Variants in PALLD observed in about 807,000 individuals in gnomAD.
The protein encoded by PALLD is palladin.
A neutral mutation model predicts 123.5 loss-of-function variants in PALLD; 61 were observed. The observed-to-expected ratio is 0.49, with a 90% CI of 0.40 to 0.61. PALLD has a LOEUF of 0.61. Among genes scored for constraint, PALLD ranks in the 20% least tolerant of loss-of-function variants. The pLI is 0.00. For missense variants in PALLD, 1,273 were observed against 1,377.0 expected (o/e 0.92, Z 1.20); for synonymous variants, 465 against 496.4 (o/e 0.94, Z 0.84).
At chr4:168,842,313 T>C (rs1746150508) in intron 10 of PALLD, among the ~76,000 whole-genome samples, 1 of 152,238 alleles carries the variant, frequency 6.6e-6, no homozygotes, top group Admixed American at 6.5e-5. Flanking sequence ...CACAGCAGTC[T>C]GATTAAAGGT....
chr4:168,893,233 T>G (rs1321324642), intron 11 of PALLD, among the ~76,000 whole-genome samples: 1 of 152,230 alleles, frequency 6.6e-6, no homozygotes, highest in East Asian at 1.9e-4. Context: ...ATCAGGTATT[T>G]AAGACTCTCT....
At chr4:168,644,272 G>A (rs1777229031) in intron 2 of PALLD, among the ~76,000 whole-genome samples, 1 of 151,802 alleles carries the variant, frequency 6.6e-6, no homozygotes, top group South Asian at 2.1e-4. Flanking sequence ...ATTTTTAGTA[G>A]AGATGGGGTT....
At chr4:168,747,684 C>G (rs1730508406) in intron 10 of PALLD, among the ~76,000 whole-genome samples, 1 of 152,144 alleles carries the variant, frequency 6.6e-6, no homozygotes, top group Non-Finnish European at 1.5e-5. Context: ...TGTCAGTTCA[C>G]TTCATTTTAT....
intron 10 of PALLD, among the ~76,000 whole-genome samples, chr4:168,875,269 A>C (rs576098470): frequency 7.9e-5 from 12 of 152,280 alleles, no homozygotes; most frequent in African/African-American, 2.9e-4. Flanking sequence ...AGTAATTTCC[A>C]AAAGCTATAG....
chr4:168,825,045 G>A (rs1263788645), intron 10 of PALLD, among the ~76,000 whole-genome samples: 1 of 151,048 alleles, frequency 6.6e-6, no homozygotes, highest in African/African-American at 2.5e-5. Context: ...CCAACTCCTG[G>A]GCTCAAGTGA....
intron 10 of PALLD, among the ~76,000 whole-genome samples, chr4:168,880,268 A>G (rs909671377): frequency 1.3e-5 from 2 of 152,206 alleles, no homozygotes; most frequent in Non-Finnish European, 2.9e-5. Flanking sequence ...ATAGCTTATA[A>G]TTGTTACCAC....
chr4:168,759,194 A>ATGT (rs1732385112), intron 10 of PALLD, among the ~76,000 whole-genome samples: 2 of 41,408 alleles, frequency 4.8e-5, no homozygotes, highest in Non-Finnish European at 9.0e-5. Flanking sequence ...AAAAAAAAAA[A>ATGT]AAAAAAAAAT....
chr4:168,548,101 G>A (rs954203643), intron 2 of PALLD, among the ~76,000 whole-genome samples: 10 of 152,128 alleles, frequency 6.6e-5, no homozygotes, highest in Non-Finnish European at 1.3e-4. Context: ...TATCCAGCAT[G>A]TGCTTCTTGA....
intron 2 of PALLD, among the ~76,000 whole-genome samples, chr4:168,611,736 C>T (rs1474596327): frequency 6.6e-6 from 1 of 152,182 alleles, no homozygotes; most frequent in Non-Finnish European, 1.5e-5. Flanking sequence ...GCTGATACTG[C>T]TCACGGATTT....
intron 1 of PALLD, among the ~76,000 whole-genome samples, chr4:168,500,302 A>C (rs9917909): frequency 0.51 from 77,929 of 151,952 alleles, 20,165 homozygotes; most frequent in East Asian, 0.62. Context: ...AATCTGTTGT[A>C]ATTTCAACAG....
At chr4:168,599,808 A>C (rs1039270409) in intron 2 of PALLD, among the ~76,000 whole-genome samples, 2 of 152,198 alleles carry the variant, frequency 1.3e-5, no homozygotes, top group African/African-American at 4.8e-5. Context: ...AAAAAGAATA[A>C]GTTAAATCTT....
chr4:168,567,168 CAAAT>C (rs1297266297), intron 2 of PALLD, among the ~76,000 whole-genome samples: 1 of 152,016 alleles, frequency 6.6e-6, no homozygotes, highest in Non-Finnish European at 1.5e-5. Flanking sequence ...CAAAAATAGA[CAAAT>C]AAGATTTAGT....
chr4:168,837,899 C>A (rs1352172289), intron 10 of PALLD, among the ~76,000 whole-genome samples: 1 of 152,096 alleles, frequency 6.6e-6, no homozygotes, highest in Non-Finnish European at 1.5e-5. Context: ...GAACAGTAAG[C>A]AAAACAAACT....
intron 8 of PALLD, among the ~76,000 whole-genome samples, chr4:168,703,533 A>C (rs1337342095): frequency 5.6e-5 from 7 of 124,324 alleles, no homozygotes; most frequent in South Asian, 5.4e-4. Flanking sequence ...CAACAGTGTA[A>C]AAGTGTTCCT....
In PALLD at chr4:168,898,508, A is replaced by T. The variant is rs1488088422; in HGVS notation, c.2266A>T (p.Ser756Cys). Residue 756 changes from serine (S) to cysteine (C), a missense_variant, in exon 14 of 22, where the codon AGC becomes TGC. Transcript: ENST00000505667. ...CTTGATTCAGGAATACAAAGTCTCC[A>T]GCTGTGAACAGAGACTCATCAGTGA... ...LDGQKEYKVS[S>C]CEQRLISEIE... The T allele has an allele frequency of 1.2e-6, 2 of 1,611,394 alleles. No homozygotes were observed. Among genetic ancestry groups the T allele is most frequent in the Non-Finnish European group, 1.7e-6 (2 of 1,177,494 alleles).
At chr4:168,513,735 T>C (rs1475225299) in intron 2 of PALLD, among the ~76,000 whole-genome samples, 1 of 152,206 alleles carries the variant, frequency 6.6e-6, no homozygotes, top group Non-Finnish European at 1.5e-5. Flanking sequence ...ACACAAATAA[T>C]GAATATTCAT....
intron 10 of PALLD, among the ~76,000 whole-genome samples, chr4:168,797,486 G>A (rs1402269041): frequency 6.6e-6 from 1 of 151,966 alleles, no homozygotes; most frequent in Non-Finnish European, 1.5e-5. Context: ...ACATCACTTT[G>A]GGATAATTTC....
chr4:168,638,431 T>G (rs1776564963), intron 2 of PALLD, among the ~76,000 whole-genome samples: 1 of 152,178 alleles, frequency 6.6e-6, no homozygotes, highest in Admixed American at 6.5e-5. Flanking sequence ...TGGCAGGCCT[T>G]CCAGGGGGTC....
At chr4:168,812,982 G>A (rs1741381548) in intron 10 of PALLD, among the ~76,000 whole-genome samples, 1 of 152,056 alleles carries the variant, frequency 6.6e-6, no homozygotes, top group Admixed American at 6.5e-5. Context: ...AAAGAATGCT[G>A]GGCCTGGAGC....
Sources: allele counts gnomAD v4.1 joint callset (sites outside exome capture counted in the v4.1 genomes callset), GRCh38; gene constraint gnomAD v4.1.1; transcripts MANE v1.5; gene names NCBI Gene and HGNC (gene_info 2026-07-23, HGNC 2026-07-21).